The following TBL1X variants were observed in gnomAD, a reference collection of about 807,000 sequenced individuals.
TBL1X encodes F-box-like/WD repeat-containing protein TBL1X.
TBL1X carries 10 observed loss-of-function variants against 50.7 expected under a neutral mutation model. The observed-to-expected ratio is 0.20, with a 90% CI of 0.12 to 0.33. TBL1X has a LOEUF of 0.33. Among genes scored for constraint, TBL1X ranks in the 10% least tolerant of loss-of-function variants. The pLI, the probability that TBL1X is intolerant of heterozygous loss-of-function variation, is 1.00. For synonymous variants in TBL1X, 190 were observed against 214.7 expected (o/e 0.88, Z 1.01); for missense variants, 340 against 504.4 (o/e 0.67, Z 3.12).
intron 2 of TBL1X, among the ~76,000 whole-genome samples, chrX:9,581,462 G>A (rs1317722877): frequency 9.0e-6 from 1 of 111,635 alleles, no homozygotes; most frequent in East Asian, 2.8e-4. Flanking sequence ...ATGCTCACCA[G>A]TGGGGGGATT....
intron 1 of TBL1X, among the ~76,000 whole-genome samples, chrX:9,474,366 T>C (rs1028382979): frequency 8.8e-6 from 1 of 113,300 alleles, no homozygotes; most frequent in African/African-American, 3.2e-5. Flanking sequence ...GACACAGTTG[T>C]ACTCCCCTTT....
At chrX:9,508,180 C>G (rs770812853) in intron 2 of TBL1X, among the ~76,000 whole-genome samples, 1 of 112,113 alleles carries the variant, frequency 8.9e-6, no homozygotes, top group South Asian at 3.7e-4. Flanking sequence ...GAGAAAACTT[C>G]TGCAATCTAC....
intron 2 of TBL1X, among the ~76,000 whole-genome samples, chrX:9,622,542 G>A (rs998287279): frequency 7.2e-5 from 8 of 111,450 alleles, no homozygotes; most frequent in Admixed American, 1.9e-4. Context: ...TGCAACCTCC[G>A]CCTCTCAGGT....
intron 11 of TBL1X, among the ~76,000 whole-genome samples, chrX:9,696,184 A>G (rs2083130401): frequency 8.9e-6 from 1 of 112,845 alleles, no homozygotes; most frequent in Non-Finnish European, 1.9e-5. Flanking sequence ...ATGGTATCAG[A>G]ACTGTGAAAG....
chrX:9,642,299 C>T (rs1009718849), intron 3 of TBL1X, among the ~76,000 whole-genome samples: 1 of 111,496 alleles, frequency 9.0e-6, no homozygotes, highest in African/African-American at 3.3e-5. Context: ...TTTATACATG[C>T]AGATAGTCAT....
chrX:9,465,372 A>T lies in TBL1X; in HGVS notation c.-276A>T, dbSNP rs2081764829. Reference sequence around the variant, plus strand: ...CGGCCGCCGCACGGCCGGGACTCGGAGGCTGCCGGCTGGAGGGAGGTTCGG... The same window carrying T: ...CGGCCGCCGCACGGCCGGGACTCGGTGGCTGCCGGCTGGAGGGAGGTTCGG... On this transcript the variant is annotated 5_prime_UTR_variant, in exon 1 of 18. Coordinates refer to ENST00000645353, the MANE Select transcript of TBL1X (RefSeq NM_005647.4). 1 of 107,872 alleles carries T rather than the reference A, an allele frequency of 9.3e-6. No individual in the cohort carries two copies. The highest frequency in any genetic ancestry group is 3.3e-5 in the African/African-American group (1 of 29,886). 8.9% of individuals were successfully genotyped at this position (107,872 alleles called of 1,213,427 possible).
chrX:9,526,126 TGA>T (rs1334030579), intron 2 of TBL1X, among the ~76,000 whole-genome samples: 1 of 87,654 alleles, frequency 1.1e-5, no homozygotes, highest in African/African-American at 4.6e-5. Flanking sequence ...AGTGTGTGTG[TGA>T]GAGAGAGGAG....
At chrX:9,464,179 G>C (rs764815920), upstream of TBL1X, among the ~76,000 whole-genome samples, 57 of 111,542 alleles carry the variant, frequency 5.1e-4, no homozygotes, top group African/African-American at 1.9e-3. Context: ...CTACGTGGAG[G>C]GGAGGAAGGA....
At chrX:9,552,043 G>A (rs1324524715) in intron 2 of TBL1X, among the ~76,000 whole-genome samples, 22 of 112,372 alleles carry the variant, frequency 2.0e-4, no homozygotes, top group East Asian at 2.8e-4. Flanking sequence ...GTCCAAGAGA[G>A]GCCGGGTTCA....
intron 2 of TBL1X, among the ~76,000 whole-genome samples, chrX:9,532,409 A>G (rs2082166751): frequency 8.9e-6 from 1 of 111,829 alleles, no homozygotes; most frequent in South Asian, 3.7e-4. Flanking sequence ...ACTCTTAATA[A>G]GGGACAAAGG....
intron 2 of TBL1X, among the ~76,000 whole-genome samples, chrX:9,599,513 A>G (rs2082543677): frequency 8.9e-6 from 1 of 112,256 alleles, no homozygotes; most frequent in South Asian, 3.7e-4. Context: ...ATTGCAGGGA[A>G]AAGGAGAGAG....
In TBL1X at chrX:9,711,874, T is replaced by C. The variant is rs138406356; in HGVS notation, c.1605+98T>C. The C allele has an allele frequency of 2.3e-3, 2,221 of 968,150 alleles. 33 individuals carry two copies. In the African/African-American group the frequency reaches 0.033, roughly 15 times the overall value. 79.8% of individuals were successfully genotyped at this position (968,150 alleles called of 1,213,427 possible). ...GCTCAGAGCAGTGCCCCGGAGGGAG[T>C]TGAGCAAGCTCAGGCTCCCCGGGCA... On this transcript the variant is annotated intron_variant, in intron 16 of 17. Coordinates refer to ENST00000645353, the MANE Select transcript of TBL1X (RefSeq NM_005647.4).
At chrX:9,658,090 T>C (rs764950867) in intron 5 of TBL1X, among the ~76,000 whole-genome samples, 1 of 111,642 alleles carries the variant, frequency 9.0e-6, no homozygotes, top group Non-Finnish European at 1.9e-5. Context: ...ACCTTCTCTT[T>C]CCTGCAGCCA....
At chrX:9,502,749 G>T (rs775643159) in intron 2 of TBL1X, among the ~76,000 whole-genome samples, 17 of 112,555 alleles carry the variant, frequency 1.5e-4, no homozygotes, top group Non-Finnish European at 2.4e-4. Flanking sequence ...AAAGAATTAA[G>T]ATTTCTAGTC....
At position 9,546,375 on chromosome X, in the gene TBL1X, G is replaced by A. The variant is rs1044351593; in HGVS notation, c.-131+44526G>A. On this transcript the variant is annotated intron_variant, in intron 2 of 17. Coordinates refer to ENST00000645353, the MANE Select transcript of TBL1X (RefSeq NM_005647.4). ...TAAAAGTACAAAAAATTAGCTGGGC[G>A]TGGTGGCGGGCGCCTGTAGTCCCAG... Among the ~76,000 whole-genome samples the A allele has an allele frequency of 2.4e-4, 27 of 111,645 alleles. 1 individual carries two copies. Among genetic ancestry groups the A allele is most frequent in the Middle Eastern group, 4.6e-3 (1 of 218 alleles).
intron 2 of TBL1X, among the ~76,000 whole-genome samples, chrX:9,624,079 G>A (rs975165520): frequency 5.3e-5 from 6 of 112,348 alleles, no homozygotes. Flanking sequence ...TCTGTATAGT[G>A]GAGGAACCAA....
intron 6 of TBL1X, among the ~76,000 whole-genome samples, chrX:9,685,717 C>CTTTTTTTTTTTTTTT (rs752837096): frequency 5.0e-5 from 3 of 59,644 alleles, no homozygotes; most frequent in Non-Finnish European, 8.6e-5. Context: ...CTTTTCTTTT[C>CTTTTTTTTTTTTTTT]TTTTTTTTTT....
At chrX:9,508,273 G>A (rs1199170744) in intron 2 of TBL1X, among the ~76,000 whole-genome samples, 1 of 112,093 alleles carries the variant, frequency 8.9e-6, no homozygotes, top group Non-Finnish European at 1.9e-5. Context: ...TCAAAAAGTG[G>A]GCAAAGGATA....
chrX:9,479,406 A>T (rs1389893353), intron 1 of TBL1X, among the ~76,000 whole-genome samples: 1 of 112,407 alleles, frequency 8.9e-6, no homozygotes, highest in Non-Finnish European at 1.9e-5. Flanking sequence ...AGATCACGCC[A>T]CTGCACTCCA....
Sources: allele counts gnomAD v4.1 joint callset (sites outside exome capture counted in the v4.1 genomes callset), GRCh38; gene constraint gnomAD v4.1.1; transcripts MANE v1.5; gene names NCBI Gene and HGNC (gene_info 2026-07-23, HGNC 2026-07-21).